The following KHDRBS2 variants were observed in gnomAD, a reference collection of about 807,000 sequenced individuals.
KHDRBS2 encodes KH RNA binding domain containing, signal transduction associated 2.
A neutral mutation model predicts 44.3 loss-of-function variants in KHDRBS2; 26 were observed. That is an observed-to-expected ratio of 0.59 (90% CI 0.43 to 0.81). KHDRBS2 has a LOEUF of 0.81. KHDRBS2 is among the 40% of genes least tolerant of loss of function. The pLI is 0.00. For synonymous variants in KHDRBS2, 194 were observed against 151.1 expected, an observed-to-expected ratio of 1.28 and a Z score of -2.08; for missense variants, 476 against 433.1, an observed-to-expected ratio of 1.10 and a Z score of -0.88.
Position 62,219,034 on chromosome 6 carries a change from G to A in KHDRBS2, c.92-41722C>T, listed in dbSNP as rs777808796. Among the ~76,000 whole-genome samples, 17 of 151,720 alleles carry A rather than the reference G, an allele frequency of 1.1e-4. 1 individual carries two copies. Among genetic ancestry groups the A allele is most frequent in the Non-Finnish European group, 2.4e-4 (16 of 67,774 alleles). On this transcript the variant is annotated intron_variant, in intron 1 of 8. Transcript: ENST00000281156. ...GGGGGGAAGAAGTGGGCAGGGTAATGAGAAATTACTTAATAGGTTCAATAT... is the reference window on the plus strand; with the variant it reads ...GGGGGGAAGAAGTGGGCAGGGTAATAAGAAATTACTTAATAGGTTCAATAT...
chr6:62,166,676 A>C (rs1818755815), intron 2 of KHDRBS2, among the ~76,000 whole-genome samples: 1 of 152,018 alleles, frequency 6.6e-6, no homozygotes, highest in Non-Finnish European at 1.5e-5. Flanking sequence ...ACAGTATTTA[A>C]GTTGATATCA....
intron 6 of KHDRBS2, among the ~76,000 whole-genome samples, chr6:61,789,595 T>C (rs1160268833): frequency 2.0e-5 from 3 of 151,500 alleles, no homozygotes; most frequent in Non-Finnish European, 4.4e-5. Context: ...TTGTAAGGTA[T>C]GCGTTTCAAC....
At chr6:61,697,136 A>G in intron 8 of KHDRBS2, 59 bp downstream of exon 8, 1 of 1,068,378 alleles carries the variant, frequency 9.4e-7, no homozygotes, top group Non-Finnish European at 1.5e-6. Context: ...ATAATGTTTG[A>G]ATTGTCGGTG....
chr6:62,272,006 C>T (rs188445979), intron 1 of KHDRBS2, among the ~76,000 whole-genome samples: 1 of 152,276 alleles, frequency 6.6e-6, no homozygotes, highest in East Asian at 1.9e-4. Context: ...CTAACTCACC[C>T]AGAGCAACTT....
At chr6:62,215,806 A>G (rs908927077) in intron 1 of KHDRBS2, among the ~76,000 whole-genome samples, 3 of 151,670 alleles carry the variant, frequency 2.0e-5, no homozygotes, top group African/African-American at 7.2e-5. Flanking sequence ...ATGAGGACTT[A>G]TGTTGAAGAA....
At chr6:62,015,686 A>C (rs1781084698) in intron 3 of KHDRBS2, among the ~76,000 whole-genome samples, 1 of 152,190 alleles carries the variant, frequency 6.6e-6, no homozygotes, top group Non-Finnish European at 1.5e-5. Flanking sequence ...CAGTCTGCAG[A>C]GATGGCAAAA....
At chr6:61,855,347 C>G (rs1424404322) in intron 6 of KHDRBS2, among the ~76,000 whole-genome samples, 1 of 151,774 alleles carries the variant, frequency 6.6e-6, no homozygotes, top group Non-Finnish European at 1.5e-5. Context: ...AGTTCAAATC[C>G]CAGCTCTGAC....
intron 2 of KHDRBS2, among the ~76,000 whole-genome samples, chr6:62,135,439 C>G (rs60278583): frequency 6.6e-6 from 1 of 152,082 alleles, no homozygotes; most frequent in African/African-American, 2.4e-5. Flanking sequence ...ACTAATGCAG[C>G]TGGTACAGCC....
At chr6:62,062,683 T>A (rs1792293153) in intron 2 of KHDRBS2, among the ~76,000 whole-genome samples, 1 of 147,488 alleles carries the variant, frequency 6.8e-6, no homozygotes, top group African/African-American at 2.5e-5. Flanking sequence ...GCAGGAAAGA[T>A]CCAAAATTGA....
At chr6:61,937,844 T>G (rs983608525) in intron 4 of KHDRBS2, among the ~76,000 whole-genome samples, 1 of 152,134 alleles carries the variant, frequency 6.6e-6, no homozygotes, top group African/African-American at 2.4e-5. Flanking sequence ...ATGAGTTACA[T>G]GGGTCCACTC....
intron 6 of KHDRBS2, among the ~76,000 whole-genome samples, chr6:61,870,301 C>T (rs62414691): frequency 0.34 from 52,058 of 151,952 alleles, 9,520 homozygotes; most frequent in African/African-American, 0.48. Flanking sequence ...ACGGAGCCCA[C>T]GCAGCTCAGT....
At chr6:62,128,440 A>G (rs1356123886) in intron 2 of KHDRBS2, among the ~76,000 whole-genome samples, 1 of 152,082 alleles carries the variant, frequency 6.6e-6, no homozygotes, top group African/African-American at 2.4e-5. Flanking sequence ...CTCTTTAAGA[A>G]TGTGTTTTAA....
intron 1 of KHDRBS2, among the ~76,000 whole-genome samples, chr6:62,235,373 C>T (rs192813305): frequency 1.8e-4 from 28 of 152,078 alleles, no homozygotes; most frequent in Non-Finnish European, 2.7e-4. Context: ...TTCTAACCCA[C>T]CTATTTACCA....
intron 4 of KHDRBS2, among the ~76,000 whole-genome samples, chr6:61,973,248 T>G (rs1771812246): frequency 6.6e-6 from 1 of 152,220 alleles, no homozygotes; most frequent in South Asian, 2.1e-4. Context: ...TAACTTTTTT[T>G]TAGTGTATGA....
At chr6:62,135,238 T>C (rs1811250913) in intron 2 of KHDRBS2, among the ~76,000 whole-genome samples, 1 of 152,166 alleles carries the variant, frequency 6.6e-6, no homozygotes, top group Non-Finnish European at 1.5e-5. Flanking sequence ...TGAGATCCAA[T>C]AGTTTTATAA....
the KHDRBS2 span, among the ~76,000 whole-genome samples, chr6:61,622,755 C>T: frequency 0.2 from 29,700 of 151,892 alleles, 3,380 homozygotes; most frequent in South Asian, 0.33. Flanking sequence ...GATTGTATTG[C>T]ATGGAAGAGC....
intron 2 of KHDRBS2, among the ~76,000 whole-genome samples, chr6:62,080,525 T>C (rs1797188458): frequency 6.6e-6 from 1 of 152,168 alleles, no homozygotes; most frequent in Admixed American, 6.6e-5. Context: ...ATAGAATCCA[T>C]TCTATTCTTC....
At chr6:62,117,145 T>C (rs931724470) in intron 2 of KHDRBS2, among the ~76,000 whole-genome samples, 1 of 152,154 alleles carries the variant, frequency 6.6e-6, no homozygotes, top group Non-Finnish European at 1.5e-5. Flanking sequence ...ATGGTAAATC[T>C]AGTTTTATTT....
chr6:62,031,872 G>T (rs552169794), intron 3 of KHDRBS2, among the ~76,000 whole-genome samples: 10 of 152,148 alleles, frequency 6.6e-5, no homozygotes, highest in Non-Finnish European at 1.5e-4. Context: ...TAGAACCCCA[G>T]AGCCTTGAAC....
Sources: gnomAD v4.1 joint callset for allele counts (sites outside exome capture counted in the v4.1 genomes callset) on GRCh38, gnomAD v4.1.1 for gene constraint, MANE v1.5 for transcripts, NCBI Gene and HGNC (gene_info 2026-07-23, HGNC 2026-07-21) for gene names.